FAT1: variants seen among roughly 807,000 people sequenced by gnomAD.
FAT1 encodes the protein protocadherin Fat 1.
A neutral mutation model predicts 329.8 loss-of-function variants in FAT1; 171 were observed. The observed-to-expected ratio is 0.52, with a 90% CI of 0.46 to 0.59. The LOEUF is 0.59. Ranked by LOEUF, FAT1 falls within the 20% of genes least tolerant of loss-of-function variation. The pLI is 0.00. For missense variants in FAT1, 5,672 were observed against 5,774.4 expected (o/e 0.98, Z 0.57); for synonymous variants, 2,233 against 2,228.6 (o/e 1.00, Z -0.06).
rs370764338 is a variant in FAT1 at position 186,621,062 on chromosome 4, T to C, written c.5524A>G (p.Ile1842Val). 1.8e-5 allele frequency: 29 copies of C among 1,613,070 alleles called. No homozygotes were observed. The African/African-American group carries it at 3.7e-4, about 21-fold the overall frequency. The change falls in exon 10 of 27, where the codon ATT becomes GTT. Residue 1842 changes from isoleucine (I) to valine (V), a missense_variant. Coordinates refer to ENST00000441802, the MANE Select transcript of FAT1 (RefSeq NM_005245.4). Reference protein sequence around the residue: ...VLSLDYEETSIFHFTVQVHDM... With the variant: ...VLSLDYEETSVFHFTVQVHDM... Reference sequence around the variant, plus strand: ...TGCACTTGGACGGTAAAGTGAAAAATACTTGTTTCTTCATAGTCCAGACTT... The same window carrying C: ...TGCACTTGGACGGTAAAGTGAAAAACACTTGTTTCTTCATAGTCCAGACTT...
At chr4:186,640,058 T>C (rs901303002) in intron 3 of FAT1, among the ~76,000 whole-genome samples, 2 of 152,076 alleles carry the variant, frequency 1.3e-5, no homozygotes, top group African/African-American at 4.8e-5. Context: ...TGCTTGAACC[T>C]GGGAGGTGGA....
At chr4:186,652,190 G>A (rs1477454747) in intron 3 of FAT1, among the ~76,000 whole-genome samples, 3 of 152,068 alleles carry the variant, frequency 2.0e-5, no homozygotes, top group Non-Finnish European at 4.4e-5. Context: ...ACATAAGATC[G>A]ACAGCAAAAC....
chr4:186,644,909 C>G (rs534500638), intron 3 of FAT1, among the ~76,000 whole-genome samples: 1 of 152,314 alleles, frequency 6.6e-6, no homozygotes, highest in East Asian at 1.9e-4. Context: ...GGAGATAAGA[C>G]AGTCTTGTTT....
At chr4:186,721,942 G>T (rs932221440) in intron 1 of FAT1, among the ~76,000 whole-genome samples, 2 of 152,044 alleles carry the variant, frequency 1.3e-5, no homozygotes, top group Non-Finnish European at 2.9e-5. Flanking sequence ...GGGTTGAAGC[G>T]ATTCTCCTGC....
At chr4:186,649,635 G>T (rs1355991634) in intron 3 of FAT1, among the ~76,000 whole-genome samples, 1 of 152,166 alleles carries the variant, frequency 6.6e-6, no homozygotes, top group Admixed American at 6.5e-5. Flanking sequence ...GGTTCCTGGA[G>T]ACTGGGAGGA....
rs373205385 is a variant in FAT1, at chr4:186,619,536, G to C, written c.7050C>G (p.Tyr2350Ter). ...AAATCGTGTGCTGCCGGGACTGCTC[G>C]TAATCCAGGGTTCTGAGTAGTGAGA... ...GLISLLRTLD[Y>*]EQSRQHTIFV... Residue 2350 changes from tyrosine to a stop codon, truncating the protein, a stop_gained, in exon 10 of 27, where the codon TAC becomes TAG. Coordinates refer to ENST00000441802, the MANE Select transcript of FAT1 (RefSeq NM_005245.4). LOFTEE classifies it high-confidence loss of function. The C allele has an allele frequency of 6.2e-7, 1 of 1,613,820 alleles. No homozygotes were observed. Among genetic ancestry groups the C allele is most frequent in the Non-Finnish European group, 8.5e-7 (1 of 1,179,904 alleles).
intron 2 of FAT1, among the ~76,000 whole-genome samples, chr4:186,666,184 G>C (rs1742431271): frequency 1.0e-3 from 1 of 966 alleles, no homozygotes; most frequent in African/African-American, 5.7e-3. Flanking sequence ...TTAAAGGATA[G>C]TAAAAAAAAA....
chr4:186,663,500 T>C lies in FAT1; in HGVS notation c.3379A>G (p.Ile1127Val), dbSNP rs199652168. Residue 1127 changes from isoleucine to valine, a missense_variant, in exon 3 of 27, where the codon ATA (isoleucine) becomes GTA (valine). Ile to Val is a conservative substitution (Grantham distance 29). Around this residue, in one of 2 missense-constraint regions of FAT1, gnomAD observed 3,966 missense variants for 3,915.2 expected, o/e 1.01. Transcript: ENST00000441802. ...VPLSSFIEIY[I>V]EVEDVNDNAP... The stretch of plus-strand genomic sequence containing the variant: ...TTGTCATTGACATCCTCAACCTCTA[T>C]GTAGATCTCTATGAACGATGAAAGA... 6.4e-5 allele frequency: 103 copies of C among 1,614,036 alleles called. No homozygotes were observed. In the East Asian group the frequency reaches 2.2e-3, roughly 34 times the overall value.
At chr4:186,668,459 C>T (rs139672964) in intron 2 of FAT1, among the ~76,000 whole-genome samples, 151 of 152,300 alleles carry the variant, frequency 9.9e-4, no homozygotes, top group African/African-American at 3.5e-3. Flanking sequence ...TCTTAAAGAA[C>T]GTTGAAATGA....
At chr4:186,611,250 T>TA (rs1560932352) in intron 14 of FAT1, 136 bp downstream of exon 14, 3 of 711,512 alleles carry the variant, frequency 4.2e-6, no homozygotes, top group Admixed American at 6.6e-5. Flanking sequence ...TGTAAATAAC[T>TA]AAAAGAAAAC....
chr4:186,719,127 C>T (rs1204941211), intron 1 of FAT1, among the ~76,000 whole-genome samples: 1 of 152,194 alleles, frequency 6.6e-6, no homozygotes, highest in African/African-American at 2.4e-5. Context: ...AACTTGTCTT[C>T]CAACTCTTCC....
rs2126704364 is a variant in FAT1 at position 186,709,458 on chromosome 4, C to T, written c.370G>A (p.Glu124Lys). 1 of 1,613,930 alleles carries T rather than the reference C, an allele frequency of 6.2e-7. No individual in the cohort carries two copies. Among genetic ancestry groups the T allele is most frequent in the African/African-American group, 1.3e-5 (1 of 75,020 alleles). Residue 124 changes from glutamate (E) to lysine (K), a missense_variant, in exon 2 of 27, where the codon GAA becomes AAA. This residue lies in a region of FAT1 where 3,966 missense variants were observed against 3,915.2 expected (regional missense o/e 1.01). Transcript: ENST00000441802. ...CGCGCCTCCACATTAGTATTTTTTT[C>T]AAGTGCTTTCACTATCAATGTGTAG... ...DHYTLIVKAL[E>K]KNTNVEARTK...
chr4:186,591,419 T>A (rs775571377), intron 26 of FAT1, among the ~76,000 whole-genome samples: 5 of 152,230 alleles, frequency 3.3e-5, no homozygotes, highest in Non-Finnish European at 7.3e-5. Flanking sequence ...GTAACATGTA[T>A]CTACAGAATC....
chr4:186,681,312 T>C (rs1375231062), intron 2 of FAT1, among the ~76,000 whole-genome samples: 2 of 152,222 alleles, frequency 1.3e-5, no homozygotes, highest in Non-Finnish European at 2.9e-5. Context: ...AGAATTACTA[T>C]AAAAATAAAG....
At position 186,618,249 on chromosome 4, in the gene FAT1, C is replaced by G. The variant is rs376525647; in HGVS notation, c.8337G>C (p.Leu2779=). The part of the protein sequence containing the change: ...ETTKWYQFSI[L]ARCTQDDHEM... ...CATGGTCATCTTGAGTGCACCTGGC[C>G]AGTATGGAAAACTGATACCACTTAG... is the stretch of plus-strand genomic sequence containing the variant. The change falls in exon 10 of 27, where the codon CTG becomes CTC. Residue 2779 remains leucine (L), a synonymous_variant. Transcript: ENST00000441802. 24 of 1,613,898 alleles carry G rather than the reference C, an allele frequency of 1.5e-5. No individual in the cohort carries two copies. The highest frequency in any genetic ancestry group is 2.0e-5 in the Non-Finnish European group (24 of 1,179,898).
At position 186,601,528 on chromosome 4, in the gene FAT1, T is replaced by A. The variant is rs1738821820; in HGVS notation, c.11483-102A>T. ...CCTTGAGACTGATTTAGGGTTTTATTTAAGATGATAACATTTTACTATCCA... is the reference window on the plus strand; with the variant it reads ...CCTTGAGACTGATTTAGGGTTTTATATAAGATGATAACATTTTACTATCCA... On this transcript the variant is annotated intron_variant, in intron 20 of 26. Coordinates refer to ENST00000441802, the MANE Select transcript of FAT1 (RefSeq NM_005245.4). 1.0e-5 allele frequency: 9 copies of A among 894,260 alleles called. No homozygotes were observed. The South Asian group carries it at 1.3e-4, about 13-fold the overall frequency. 55.4% of individuals were successfully genotyped at this position (894,260 alleles called of 1,614,324 possible). A position where few individuals can be genotyped will look rare whatever the true frequency, so the allele number is the denominator to read the frequency against.
intron 1 of FAT1, among the ~76,000 whole-genome samples, chr4:186,721,901 C>T (rs1205625010): frequency 6.6e-6 from 1 of 152,160 alleles, no homozygotes; most frequent in Non-Finnish European, 1.5e-5. Context: ...TGCAATGGCA[C>T]GATCTCGGCT....
At position 186,709,666 on chromosome 4, in the gene FAT1, C is replaced by T. The variant is rs183790977; in HGVS notation, c.162G>A (p.Gly54=). The T allele has an allele frequency of 2.2e-4, 362 of 1,613,924 alleles. 1 individual carries two copies. The Admixed American group carries it at 6.0e-3, about 27-fold the overall frequency. ...QENSAAKTYV[G]HPVKMGVYIT... is the part of the protein sequence containing the mutation. ...TGTAAACACCCATCTTGACAGGATG[C>T]CCCACATAAGTCTTAGCTGCAGAGT... The change falls in exon 2 of 27, where the codon GGG becomes GGA. Residue 54 remains glycine, a synonymous_variant. Coordinates refer to ENST00000441802, the MANE Select transcript of FAT1 (RefSeq NM_005245.4).
In FAT1 at chr4:186,613,270, T is replaced by C. The variant is rs1247995077; in HGVS notation, c.9302A>G (p.Asp3101Gly). The C allele has an allele frequency of 6.2e-7, 1 of 1,614,000 alleles. No homozygotes were observed. Among genetic ancestry groups the C allele is most frequent in the Non-Finnish European group, 8.5e-7 (1 of 1,179,890 alleles). Reference sequence around the variant, plus strand: ...GGCTTGGCAGAATCTTCCTCCTCCATCTGTGGCCCTGACGAGAAGATGATA... The same window carrying C: ...GGCTTGGCAGAATCTTCCTCCTCCACCTGTGGCCCTGACGAGAAGATGATA... ...AVYHLLVRAT[D>G]GGGRFCQASI... is the part of the protein sequence containing the mutation. Residue 3101 changes from aspartate (D) to glycine (G), a missense_variant, in exon 13 of 27, where the codon GAT becomes GGT. Asp to Gly is a moderately conservative substitution (Grantham distance 94). Coordinates refer to ENST00000441802, the MANE Select transcript of FAT1 (RefSeq NM_005245.4).
Sources: gnomAD v4.1 joint callset for allele counts (sites outside exome capture counted in the v4.1 genomes callset) on GRCh38, gnomAD v4.1.1 for gene constraint, gnomAD v4.1.1 regional missense constraint, MANE v1.5 for transcripts, NCBI Gene and HGNC (gene_info 2026-07-23, HGNC 2026-07-21) for gene names.